ABCA4: variants seen among roughly 807,000 people sequenced by gnomAD.
ABCA4 encodes the protein retinal-specific phospholipid-transporting ATPase ABCA4.
A neutral mutation model predicts 263.7 loss-of-function variants in ABCA4; 196 were observed. That is an observed-to-expected ratio of 0.74 (90% confidence interval 0.66 to 0.84). The LOEUF is 0.84. Among genes scored for constraint, ABCA4 ranks in the 40% least tolerant of loss-of-function variants. The pLI is 0.00. For missense variants in ABCA4, 2,792 were observed against 2,855.1 expected (o/e 0.98, Z 0.50); for synonymous variants, 1,133 against 1,094.2 (o/e 1.04, Z -0.70).
At chr1:94,007,313 G>C (rs775281681) in intron 43 of ABCA4, among the ~76,000 whole-genome samples, 58 of 152,194 alleles carry the variant, frequency 3.8e-4, no homozygotes, top group Non-Finnish European at 4.1e-4. Flanking sequence ...ATTTTTATAG[G>C]AATAGGCTAC....
chr1:94,014,745 C>T lies in ABCA4; in HGVS notation c.5313-55G>A, dbSNP rs553889500. 70 of 1,609,746 alleles carry T rather than the reference C, an allele frequency of 4.3e-5. 1 individual carries two copies. The South Asian group carries it at 7.1e-4, about 16-fold the overall frequency. ...GGAGTTCCACATTCCATTCCACCTACAATACGTCTGGATATAATGCACTCC... is the reference window on the plus strand; with the variant it reads ...GGAGTTCCACATTCCATTCCACCTATAATACGTCTGGATATAATGCACTCC... On this transcript the variant is annotated intron_variant, in intron 37 of 49. Coordinates refer to ENST00000370225, the MANE Select transcript of ABCA4 (RefSeq NM_000350.3).
At chr1:94,011,433 C>A (rs762648096) in intron 38 of ABCA4, 48 bp from the exon 39 acceptor site, 26 of 1,603,158 alleles carry the variant, frequency 1.6e-5, no homozygotes, top group Admixed American at 3.4e-5. Context: ...ACCCCACCCC[C>A]CCTCTCTTCA....
At chr1:94,018,001 G>C (rs531048354) in intron 36 of ABCA4, among the ~76,000 whole-genome samples, 108 of 152,246 alleles carry the variant, frequency 7.1e-4, no homozygotes, top group Non-Finnish European at 8.5e-4. Context: ...GTTCCAAAAT[G>C]ATGGATCGCG....
chr1:94,105,488 C>T (rs974694447), intron 4 of ABCA4, among the ~76,000 whole-genome samples: 4 of 152,090 alleles, frequency 2.6e-5, no homozygotes, highest in East Asian at 1.9e-4. Context: ...AAGAGGAGGC[C>T]GATACCAGAC....
chr1:94,051,179 G>A (rs767790808), intron 17 of ABCA4, among the ~76,000 whole-genome samples: 1 of 152,210 alleles, frequency 6.6e-6, no homozygotes, highest in Non-Finnish European at 1.5e-5. Flanking sequence ...TCAGCCCCAG[G>A]AGGAGTCTTC....
intron 20 of ABCA4, among the ~76,000 whole-genome samples, chr1:94,043,880 T>G (rs1660591677): frequency 6.6e-6 from 1 of 152,210 alleles, no homozygotes; most frequent in Non-Finnish European, 1.5e-5. Context: ...AGGAGAAAGT[T>G]CTAAAAAATT....
intron 38 of ABCA4, among the ~76,000 whole-genome samples, chr1:94,012,936 G>A (rs1226100845): frequency 6.6e-6 from 1 of 152,218 alleles, no homozygotes; most frequent in Non-Finnish European, 1.5e-5. Context: ...TGGGAGCTGG[G>A]GAGCTTCCTG....
At chr1:94,016,629 G>A (rs1476309697) in intron 36 of ABCA4, among the ~76,000 whole-genome samples, 1 of 152,138 alleles carries the variant, frequency 6.6e-6, no homozygotes, top group Non-Finnish European at 1.5e-5. Context: ...AGTTACAGAT[G>A]TGGAAAGAAA....
rs370644803 is a variant in ABCA4 at position 94,040,087 on chromosome 1, C to T, written c.3563G>A (p.Cys1188Tyr). 2 of 1,610,156 alleles carry T rather than the reference C, an allele frequency of 1.2e-6. No homozygotes were observed. The highest frequency in any genetic ancestry group is 2.7e-5 in the African/African-American group (2 of 74,868). Residue 1188 changes from cysteine to tyrosine, a missense_variant, in exon 24 of 50, where the codon TGT (cysteine) becomes TAT (tyrosine). Coordinates refer to ENST00000370225, the MANE Select transcript of ABCA4 (RefSeq NM_000350.3). The part of the protein sequence containing the change: ...SCSSKGFSTT[C>Y]PAHVDDLTPE... ...AGTTAGGTCATCGACGTGGGCTGGA[C>T]ACGTGGTGGAGAAACCCTTAGACGA...
intron 1 of ABCA4, among the ~76,000 whole-genome samples, chr1:94,119,912 C>G (rs1021480889): frequency 2.6e-5 from 4 of 152,060 alleles, no homozygotes; most frequent in African/African-American, 9.7e-5. Context: ...AAGCAGGTCT[C>G]CCTCCCTTTC....
rs1660134062 is a variant in ABCA4, at chr1:94,029,409, G to A, written c.4539+36C>T. Reference sequence around the variant, plus strand: ...GACTCCCCTAGTCCCTCTGTGGCAGGCAGACCTGGGGCCCCGTTGTTTGGA... The same window carrying A: ...GACTCCCCTAGTCCCTCTGTGGCAGACAGACCTGGGGCCCCGTTGTTTGGA... On this transcript the variant is annotated intron_variant, in intron 30 of 49. Coordinates refer to ENST00000370225, the MANE Select transcript of ABCA4 (RefSeq NM_000350.3). 11 of 1,517,508 alleles carry A rather than the reference G, an allele frequency of 7.2e-6. No homozygotes were observed. The South Asian group carries it at 1.1e-4, about 15-fold the overall frequency. The allele number at this position is 1,517,508 out of a possible 1,614,324, so 94.0% of individuals were successfully genotyped here. A position where few individuals can be genotyped will look rare whatever the true frequency, so the allele number is the denominator to read the frequency against.
chr1:94,108,020 T>G (rs1205363507), intron 4 of ABCA4, among the ~76,000 whole-genome samples: 1 of 152,220 alleles, frequency 6.6e-6, no homozygotes, highest in Admixed American at 6.5e-5. Flanking sequence ...GTTGACCTTC[T>G]GTGGTGCCTC....
chr1:94,035,982 C>A (rs1660328463), intron 26 of ABCA4, among the ~76,000 whole-genome samples: 1 of 152,114 alleles, frequency 6.6e-6, no homozygotes, highest in African/African-American at 2.4e-5. Context: ...GCCCATAGAC[C>A]ACTAAATAAG....
intron 7 of ABCA4, among the ~76,000 whole-genome samples, chr1:94,082,823 T>C (rs2101110685): frequency 6.6e-6 from 1 of 152,316 alleles, no homozygotes; most frequent in African/African-American, 2.4e-5. Context: ...AGAATCCATT[T>C]CTATATGGGA....
At chr1:94,109,476 A>G (rs1282001798) in intron 3 of ABCA4, among the ~76,000 whole-genome samples, 2 of 152,242 alleles carry the variant, frequency 1.3e-5, no homozygotes, top group Non-Finnish European at 2.9e-5. Flanking sequence ...CTGATGGGAC[A>G]GGGAGAATAA....
intron 6 of ABCA4, among the ~76,000 whole-genome samples, chr1:94,093,907 G>T (rs929884971): frequency 6.6e-6 from 1 of 152,118 alleles, no homozygotes; most frequent in Non-Finnish European, 1.5e-5. Context: ...ATTTGCTGTG[G>T]CTTGAATATT....
chr1:94,110,092 G>T (rs963399748), intron 3 of ABCA4, among the ~76,000 whole-genome samples: 1 of 152,190 alleles, frequency 6.6e-6, no homozygotes, highest in South Asian at 2.1e-4. Context: ...TCTCTGGATG[G>T]GCAGGTGTTT....
rs554433411 is a variant in ABCA4, at chr1:93,996,645, T to A, written c.6730-450A>T. 6.1e-4 allele frequency among the ~76,000 whole-genome samples: 93 copies of A among 152,326 alleles called. 1 individual carries two copies. Among genetic ancestry groups the A allele is most frequent in the Non-Finnish European group, 7.1e-4 (48 of 68,040 alleles). On this transcript the variant is annotated intron_variant, in intron 48 of 49. Coordinates refer to ENST00000370225, the MANE Select transcript of ABCA4 (RefSeq NM_000350.3). Reference sequence around the variant, plus strand: ...CAGGGGTTAAATGGAGACTTCCCTGTTTCCACTGCTTTACTGAACTGTCTC... The same window carrying A: ...CAGGGGTTAAATGGAGACTTCCCTGATTCCACTGCTTTACTGAACTGTCTC...
chr1:94,087,109 C>T (rs1014212791), intron 6 of ABCA4, among the ~76,000 whole-genome samples: 2 of 152,132 alleles, frequency 1.3e-5, no homozygotes, highest in African/African-American at 4.8e-5. Flanking sequence ...CCAGTCATGA[C>T]CTAATTGCCT....
Sources: gnomAD v4.1 joint callset for allele counts (sites outside exome capture counted in the v4.1 genomes callset) on GRCh38, gnomAD v4.1.1 for gene constraint, MANE v1.5 for transcripts, NCBI Gene and HGNC (gene_info 2026-07-23, HGNC 2026-07-21) for gene names.